FGF12: variants seen among roughly 807,000 people sequenced by gnomAD.
The protein encoded by FGF12 is fibroblast growth factor 12B.
FGF12 carries 14 observed loss-of-function variants against 23.6 expected under a neutral mutation model. That is an observed-to-expected ratio of 0.59 (90% CI 0.39 to 0.93). The LOEUF is 0.93. Among genes scored for constraint, FGF12 ranks in the 40% least tolerant of loss-of-function variants. The pLI is 0.00. For missense variants in FGF12, 175 were observed against 217.8 expected, an observed-to-expected ratio of 0.80 and a Z score of 1.24; for synonymous variants, 62 against 77.3, an observed-to-expected ratio of 0.80 and a Z score of 1.04.
At chr3:192,686,582 A>G (rs1267119576) in intron 2 of FGF12, among the ~76,000 whole-genome samples, 1 of 152,050 alleles carries the variant, frequency 6.6e-6, no homozygotes, top group Non-Finnish European at 1.5e-5. Flanking sequence ...TGGGTTACTT[A>G]AGGTAGTATT....
chr3:192,521,224 C>T (rs935356283), intron 2 of FGF12: 13 of 152,114 alleles, frequency 8.5e-5, no homozygotes, highest in Admixed American at 7.2e-4. Context: ...TTGCATATCT[C>T]TAATTATGAT....
At chr3:192,529,118 G>A (rs1725025618) in intron 2 of FGF12, among the ~76,000 whole-genome samples, 1 of 152,174 alleles carries the variant, frequency 6.6e-6, no homozygotes, top group Admixed American at 6.5e-5. Context: ...TTGTCAGGCT[G>A]CAAATTTTCC....
At chr3:192,317,314 G>A (rs1268746958) in intron 4 of FGF12, among the ~76,000 whole-genome samples, 1 of 151,904 alleles carries the variant, frequency 6.6e-6, no homozygotes, top group Non-Finnish European at 1.5e-5. Flanking sequence ...CTCCTGGATG[G>A]TATTTCTGGA....
intron 4 of FGF12, among the ~76,000 whole-genome samples, chr3:192,330,179 C>T (rs1413703863): frequency 6.6e-6 from 1 of 152,092 alleles, no homozygotes; most frequent in Non-Finnish European, 1.5e-5. Context: ...CAATACAATT[C>T]CTATCAAAAT....
At chr3:192,527,752 AAAAG>A (rs1391699581) in intron 2 of FGF12, among the ~76,000 whole-genome samples, 2 of 152,228 alleles carry the variant, frequency 1.3e-5, no homozygotes, top group Admixed American at 1.3e-4. Context: ...AGCAATTTAA[AAAAG>A]AAAGAGGTTT....
intron 4 of FGF12, among the ~76,000 whole-genome samples, chr3:192,218,648 C>T (rs926008949): frequency 1.3e-5 from 2 of 152,338 alleles, no homozygotes; most frequent in Non-Finnish European, 1.5e-5. Context: ...GCAATTAAAG[C>T]TCTTTTTCTT....
intron 3 of FGF12, among the ~76,000 whole-genome samples, chr3:192,352,618 A>G (rs928529963): frequency 6.6e-6 from 1 of 152,210 alleles, no homozygotes; most frequent in African/African-American, 2.4e-5. Flanking sequence ...GAGCTCCTTG[A>G]AAACAAGGGG....
At position 192,170,661 on chromosome 3, in the gene FGF12, AGG is replaced by A. The variant is rs1560177293; in HGVS notation, c.229-7_229-6del. The A allele has an allele frequency of 2.0e-6, 3 of 1,514,234 alleles. No homozygotes were observed. Among genetic ancestry groups the A allele is most frequent in the Admixed American group, 2.1e-5 (1 of 46,856 alleles). The allele number at this position is 1,514,234 out of a possible 1,614,324, so 93.8% of individuals were successfully genotyped here. On this transcript the variant is annotated splice_region_variant and splice_polypyrimidine_tract_variant and intron_variant, in intron 4 of 5. Transcript: ENST00000445105. ...GCATTCTGGAGTGAAAACATCCTGT[AGG>A]AAAAAAAAAAAAAGACACAAAAAAG...
At chr3:192,414,250 A>G (rs1174464976) in intron 2 of FGF12, among the ~76,000 whole-genome samples, 1 of 152,222 alleles carries the variant, frequency 6.6e-6, no homozygotes, top group Non-Finnish European at 1.5e-5. Context: ...AATTATTGAC[A>G]CATTGAATCC....
chr3:192,180,079 C>T (rs1162685248), intron 4 of FGF12, among the ~76,000 whole-genome samples: 2 of 151,692 alleles, frequency 1.3e-5, no homozygotes, highest in Admixed American at 6.6e-5. Context: ...GCTTAAGGCT[C>T]AACTTGGTCA....
chr3:192,404,934 A>G (rs528685614), intron 2 of FGF12, among the ~76,000 whole-genome samples: 2 of 152,342 alleles, frequency 1.3e-5, no homozygotes, highest in African/African-American at 4.8e-5. Context: ...CACAATGATA[A>G]TAATAATACC....
chr3:192,322,889 A>C (rs1057201051), intron 4 of FGF12, among the ~76,000 whole-genome samples: 22 of 152,194 alleles, frequency 1.4e-4, no homozygotes, highest in African/African-American at 5.3e-4. Flanking sequence ...TCAAAGTATG[A>C]AACTACTGAA....
chr3:192,418,971 G>A (rs993768549), intron 2 of FGF12, among the ~76,000 whole-genome samples: 1 of 152,158 alleles, frequency 6.6e-6, no homozygotes, highest in Non-Finnish European at 1.5e-5. Flanking sequence ...GCACAGTCCT[G>A]GGCCCTACAC....
intron 4 of FGF12, among the ~76,000 whole-genome samples, chr3:192,283,918 C>T (rs775190227): frequency 3.3e-5 from 5 of 152,054 alleles, no homozygotes; most frequent in Non-Finnish European, 5.9e-5. Flanking sequence ...GCCTGAAATT[C>T]TCCTTCTTTC....
intron 2 of FGF12, among the ~76,000 whole-genome samples, chr3:192,550,271 T>C (rs1245815592): frequency 6.6e-6 from 1 of 151,064 alleles, no homozygotes; most frequent in Non-Finnish European, 1.5e-5. Flanking sequence ...TGTGCATAGA[T>C]AATATTTGTA....
In FGF12 at chr3:192,480,055, G is replaced by C. The variant is rs369489374; in HGVS notation, c.14-119517C>G. On this transcript the variant is annotated intron_variant, in intron 2 of 5. Transcript: ENST00000445105. ...CCATGCAGATGATGAAAAGATAATA[G>C]CAAAGAGGACATCAGTGCTCTGGGA... Among the ~76,000 whole-genome samples, 296 of 152,218 alleles carry C rather than the reference G, an allele frequency of 1.9e-3. 1 individual carries two copies. Among genetic ancestry groups the C allele is most frequent in the Middle Eastern group, 3.4e-3 (1 of 294 alleles).
intron 4 of FGF12, among the ~76,000 whole-genome samples, chr3:192,308,680 CA>C (rs567424076): frequency 0.045 from 5,761 of 129,442 alleles, 334 homozygotes; most frequent in African/African-American, 0.15. Context: ...AACTCCATCT[CA>C]AAAAAAAAAA....
chr3:192,213,000 T>C (rs1718013146), intron 4 of FGF12, among the ~76,000 whole-genome samples: 1 of 152,210 alleles, frequency 6.6e-6, no homozygotes, highest in Admixed American at 6.5e-5. Context: ...AGAAGTGCAA[T>C]GGTACCAATG....
At chr3:192,518,811 A>T (rs1724743691) in intron 2 of FGF12, among the ~76,000 whole-genome samples, 2 of 152,140 alleles carry the variant, frequency 1.3e-5, no homozygotes, top group Admixed American at 1.3e-4. Context: ...ACTGTTTTTA[A>T]AAAAGCAAAC....
Sources: allele counts gnomAD v4.1 joint callset (sites outside exome capture counted in the v4.1 genomes callset), GRCh38; gene constraint gnomAD v4.1.1; transcripts MANE v1.5; gene names NCBI Gene and HGNC (gene_info 2026-07-23, HGNC 2026-07-21).